The following KLF12 variants were observed in gnomAD, a reference collection of about 807,000 sequenced individuals.
The protein encoded by KLF12 is KLF transcription factor 12, also known as Krueppel-like factor 12.
In KLF12, 9 loss-of-function variants were observed where a neutral mutation model predicts 37.8. The observed-to-expected ratio is 0.24, with a 90% CI of 0.14 to 0.42. The LOEUF (loss-of-function observed/expected upper bound fraction) is 0.42. KLF12 is among the 10% of genes least tolerant of loss of function. KLF12 has a pLI of 1.00. For synonymous variants in KLF12, 208 were observed against 202.1 expected (o/e 1.03, Z -0.25); for missense variants, 411 against 516.0 (o/e 0.80, Z 1.97).
intron 1 of KLF12, among the ~76,000 whole-genome samples, chr13:74,110,106 C>T (rs1045483801): frequency 2.0e-5 from 3 of 152,148 alleles, no homozygotes; most frequent in African/African-American, 7.2e-5. Context: ...AGTGAAATGT[C>T]ACATGTTTCT....
chr13:73,787,695 A>G (rs557200005), intron 5 of KLF12, among the ~76,000 whole-genome samples: 2 of 152,306 alleles, frequency 1.3e-5, no homozygotes, highest in African/African-American at 4.8e-5. Context: ...ATTTGGCTCC[A>G]CAGTATATGT....
the KLF12 span, among the ~76,000 whole-genome samples, chr13:74,303,201 T>C: frequency 4.6e-5 from 7 of 152,260 alleles, no homozygotes; most frequent in Admixed American, 4.6e-4. Flanking sequence ...CTGAAAGCTC[T>C]TTGAGTATAG....
intron 1 of KLF12, among the ~76,000 whole-genome samples, chr13:74,088,479 C>T (rs955075946): frequency 6.6e-6 from 1 of 152,148 alleles, no homozygotes; most frequent in East Asian, 1.9e-4. Flanking sequence ...CCGCCCACCA[C>T]AGCTTCCCAA....
chr13:74,068,206 G>A (rs1874027029), intron 1 of KLF12, among the ~76,000 whole-genome samples: 1 of 152,232 alleles, frequency 6.6e-6, no homozygotes, highest in South Asian at 2.1e-4. Context: ...AGTGAAATAA[G>A]AGGATGAAAT....
chr13:74,146,203 C>T, the KLF12 span, among the ~76,000 whole-genome samples: 2 of 152,152 alleles, frequency 1.3e-5, no homozygotes, highest in Non-Finnish European at 2.9e-5. Context: ...ATTAAGCAAA[C>T]ATCTTAGCCA....
chr13:73,829,529 A>G (rs1480636790), intron 4 of KLF12, among the ~76,000 whole-genome samples: 1 of 152,226 alleles, frequency 6.6e-6, no homozygotes, highest in Non-Finnish European at 1.5e-5. Flanking sequence ...GTCCACATAT[A>G]TCTGTCTCTG....
chr13:73,724,427 G>A (rs1268550606), intron 6 of KLF12, among the ~76,000 whole-genome samples: 2 of 152,134 alleles, frequency 1.3e-5, no homozygotes, highest in Non-Finnish European at 2.9e-5. Flanking sequence ...AGTTTTTATT[G>A]CTTGGGTAGG....
intron 5 of KLF12, among the ~76,000 whole-genome samples, chr13:73,798,081 C>T (rs775076722): frequency 3.3e-5 from 5 of 152,096 alleles, no homozygotes; most frequent in African/African-American, 1.2e-4. Flanking sequence ...AACCAGAAAG[C>T]GTGGGTAAAA....
chr13:74,189,478 C>G, the KLF12 span, among the ~76,000 whole-genome samples: 1 of 152,200 alleles, frequency 6.6e-6, no homozygotes, highest in Admixed American at 6.5e-5. Context: ...GGGACTGCCC[C>G]CATTCAACAG....
chr13:74,114,227 C>T (rs1697240109), intron 1 of KLF12, among the ~76,000 whole-genome samples: 1 of 152,102 alleles, frequency 6.6e-6, no homozygotes, highest in Non-Finnish European at 1.5e-5. Flanking sequence ...AGTCAGCAGC[C>T]ATCAACATCC....
intron 6 of KLF12, among the ~76,000 whole-genome samples, chr13:73,740,978 A>G (rs1877930300): frequency 6.6e-6 from 1 of 152,190 alleles, no homozygotes; most frequent in African/African-American, 2.4e-5. Flanking sequence ...TCCAGGAGCA[A>G]AAGCAAAACA....
intron 1 of KLF12, among the ~76,000 whole-genome samples, chr13:73,998,325 A>G (rs73526972): frequency 0.026 from 3,978 of 152,292 alleles, 172 homozygotes; most frequent in African/African-American, 0.09. Flanking sequence ...AAATGGACCC[A>G]TAAGTATACT....
chr13:73,867,852 C>T (rs1168650301), intron 3 of KLF12, among the ~76,000 whole-genome samples: 1 of 151,536 alleles, frequency 6.6e-6, no homozygotes, highest in Admixed American at 6.6e-5. Context: ...CCAACCCTGT[C>T]TCTACTAAAA....
In KLF12 at chr13:73,689,855, C is replaced by T. The variant is rs555290956; in HGVS notation, c.*5635G>A. On this transcript the variant is annotated 3_prime_UTR_variant, in exon 8 of 8. Transcript: ENST00000377669. ...AAATAAATTGGTGTTTTTAACTGAG[C>T]AAAACTTTTTGAATCATACATACTG... 1 of 152,224 alleles carries T rather than the reference C, an allele frequency of 6.6e-6. No individual in the cohort carries two copies. Among genetic ancestry groups the T allele is most frequent in the African/African-American group, 2.4e-5 (1 of 41,562 alleles). 9.4% of individuals were successfully genotyped at this position (152,224 alleles called of 1,614,324 possible).
At chr13:73,793,683 T>A (rs1420003499) in intron 5 of KLF12, among the ~76,000 whole-genome samples, 3 of 152,246 alleles carry the variant, frequency 2.0e-5, no homozygotes, top group Non-Finnish European at 4.4e-5. Flanking sequence ...TTATATTAAA[T>A]CTTCTTTAAT....
chr13:73,918,555 C>T (rs1888958751), intron 3 of KLF12, among the ~76,000 whole-genome samples: 1 of 152,156 alleles, frequency 6.6e-6, no homozygotes, highest in Non-Finnish European at 1.5e-5. Context: ...AAAAAATAAA[C>T]TCCAAGAATT....
intron 6 of KLF12, among the ~76,000 whole-genome samples, chr13:73,720,868 G>C (rs1265657714): frequency 1.3e-5 from 2 of 152,084 alleles, no homozygotes; most frequent in Non-Finnish European, 2.9e-5. Flanking sequence ...ACTGAAACTG[G>C]AGTTTTTACA....
At chr13:74,075,059 T>C (rs1343574990) in intron 1 of KLF12, among the ~76,000 whole-genome samples, 1 of 152,008 alleles carries the variant, frequency 6.6e-6, no homozygotes, top group African/African-American at 2.4e-5. Context: ...TATAAAACAG[T>C]GCTGGAACAG....
At chr13:73,964,041 T>C (rs1287943428) in intron 2 of KLF12, among the ~76,000 whole-genome samples, 3 of 152,192 alleles carry the variant, frequency 2.0e-5, no homozygotes, top group African/African-American at 7.2e-5. Context: ...TTATTACCAG[T>C]GAAATCAACA....
Sources: allele counts gnomAD v4.1 joint callset (sites outside exome capture counted in the v4.1 genomes callset), GRCh38; gene constraint gnomAD v4.1.1; transcripts MANE v1.5; gene names NCBI Gene and HGNC (gene_info 2026-07-23, HGNC 2026-07-21).